LEPR: variants seen among roughly 807,000 people sequenced by gnomAD.
LEPR encodes the protein leptin receptor, also known as OB receptor.
Under a neutral mutation model 114.7 loss-of-function variants are expected in LEPR, and 56 were observed. That is an observed-to-expected ratio of 0.49 (90% CI 0.39 to 0.61). The LOEUF is 0.61. LEPR is among the 20% of genes least tolerant of loss of function. The pLI is 0.00. For synonymous variants in LEPR, 443 were observed against 461.4 expected, an observed-to-expected ratio of 0.96 and a Z score of 0.51; for missense variants, 1,202 against 1,352.9, an observed-to-expected ratio of 0.89 and a Z score of 1.75.
chr1:65,456,274 G>C (rs753932500), intron 2 of LEPR, among the ~76,000 whole-genome samples: 3 of 152,004 alleles, frequency 2.0e-5, no homozygotes, highest in Non-Finnish European at 4.4e-5. Flanking sequence ...CTGTAGACCA[G>C]AGCTGTTCCT....
chr1:65,476,037 C>A (rs1025812479), intron 2 of LEPR, among the ~76,000 whole-genome samples: 31 of 150,936 alleles, frequency 2.1e-4, no homozygotes, highest in African/African-American at 9.8e-5. Context: ...AAACAAAAAA[C>A]CCCCCAAATT....
chr1:65,450,330 G>C (rs568089502), intron 2 of LEPR, among the ~76,000 whole-genome samples: 1 of 151,386 alleles, frequency 6.6e-6, no homozygotes, highest in East Asian at 1.9e-4. Context: ...CATTGTGCAG[G>C]TTAGTTACAT....
At chr1:65,439,283 C>G (rs1646614355) in intron 2 of LEPR, among the ~76,000 whole-genome samples, 1 of 152,090 alleles carries the variant, frequency 6.6e-6, no homozygotes, top group South Asian at 2.1e-4. Flanking sequence ...TGATTTCTAA[C>G]TTATTACAAA....
chr1:65,619,370 A>T (rs915328630), intron 16 of LEPR, among the ~76,000 whole-genome samples: 20 of 152,080 alleles, frequency 1.3e-4, no homozygotes, highest in African/African-American at 4.8e-4. Flanking sequence ...ATCATGATGG[A>T]TCCATCTGGA....
chr1:65,496,665 G>T (rs753742465), intron 2 of LEPR, among the ~76,000 whole-genome samples: 1 of 152,140 alleles, frequency 6.6e-6, no homozygotes, highest in Non-Finnish European at 1.5e-5. Flanking sequence ...CATGTGTACT[G>T]TACACTCAGT....
intron 2 of LEPR, among the ~76,000 whole-genome samples, chr1:65,468,303 C>A (rs985520318): frequency 6.6e-6 from 1 of 152,070 alleles, no homozygotes; most frequent in African/African-American, 2.4e-5. Flanking sequence ...CTCTGAACAA[C>A]TAAAGAAATC....
At chr1:65,536,175 A>G (rs1429436015) in intron 2 of LEPR, among the ~76,000 whole-genome samples, 1 of 152,148 alleles carries the variant, frequency 6.6e-6, no homozygotes, top group African/African-American at 2.4e-5. Context: ...TGGTGACATC[A>G]TCACAGTAAT....
chr1:65,439,744 G>A (rs536922790), intron 2 of LEPR, among the ~76,000 whole-genome samples: 1 of 150,972 alleles, frequency 6.6e-6, no homozygotes, highest in Non-Finnish European at 1.5e-5. Context: ...CTTGAACCCA[G>A]GAATCACTTG....
At chr1:65,550,949 C>T (rs749976386) in intron 2 of LEPR, among the ~76,000 whole-genome samples, 3 of 152,090 alleles carry the variant, frequency 2.0e-5, no homozygotes, top group South Asian at 4.2e-4. Context: ...TGTTCCTATT[C>T]GGCCACCTTG....
chr1:65,503,747 C>T (rs2104564), intron 2 of LEPR, among the ~76,000 whole-genome samples: 99,335 of 151,534 alleles, frequency 0.66, 33,704 homozygotes, highest in Middle Eastern at 0.86. Flanking sequence ...TAGGTACAGA[C>T]GTTTACATAT....
chr1:65,556,585 A>C (rs1322846526), intron 2 of LEPR, among the ~76,000 whole-genome samples: 1 of 152,158 alleles, frequency 6.6e-6, no homozygotes, highest in Non-Finnish European at 1.5e-5. Flanking sequence ...TCCATGTTCC[A>C]AAAAATGGTT....
intron 2 of LEPR, among the ~76,000 whole-genome samples, chr1:65,437,951 G>A (rs978593925): frequency 7.2e-5 from 11 of 151,866 alleles, no homozygotes; most frequent in African/African-American, 2.7e-4. Flanking sequence ...GGGATTACAG[G>A]CACGGGCCAC....
chr1:65,524,859 G>T (rs1347572984), intron 2 of LEPR, among the ~76,000 whole-genome samples: 1 of 152,112 alleles, frequency 6.6e-6, no homozygotes. Context: ...CTAGCATATT[G>T]TCTGACACTC....
intron 19 of LEPR, among the ~76,000 whole-genome samples, chr1:65,631,765 TAG>T (rs1374972294): frequency 6.6e-6 from 1 of 152,212 alleles, no homozygotes; most frequent in Non-Finnish European, 1.5e-5. Context: ...ATTCAAATTT[TAG>T]AGTGTAAAAG....
chr1:65,452,241 A>T (rs374938089), intron 2 of LEPR, among the ~76,000 whole-genome samples: 5 of 152,024 alleles, frequency 3.3e-5, no homozygotes, highest in Middle Eastern at 3.4e-3. Context: ...CAATTTGACT[A>T]CCTCTTTTCC....
rs1405891211 is a variant in LEPR, at chr1:65,636,815, G to A, written c.3298G>A (p.Val1100Ile). The A allele has an allele frequency of 6.2e-7, 1 of 1,613,936 alleles. No individual in the cohort carries two copies. Among genetic ancestry groups the A allele is most frequent in the Non-Finnish European group, 8.5e-7 (1 of 1,179,936 alleles). The change falls in exon 20 of 20, where the codon GTA becomes ATA. Residue 1100 changes from valine to isoleucine, a missense_variant. Coordinates refer to ENST00000349533, the MANE Select transcript of LEPR (RefSeq NM_002303.6). ...SGVLLTDKSR[V>I]SCPFPAPCLF... ...TGTGCTTTTGACTGACAAGTCAAGG[G>A]TATCGTGCCCATTCCCAGCCCCCTG...
chr1:65,561,476 A>T (rs1653300515), intron 2 of LEPR, among the ~76,000 whole-genome samples: 1 of 28,434 alleles, frequency 3.5e-5, no homozygotes, highest in Non-Finnish European at 6.7e-5. Context: ...GTGGTCTATC[A>T]ATTTTGTTGA....
At chr1:65,442,000 G>A (rs753634961) in intron 2 of LEPR, among the ~76,000 whole-genome samples, 11 of 152,126 alleles carry the variant, frequency 7.2e-5, no homozygotes, top group Non-Finnish European at 1.6e-4. Flanking sequence ...TGCAAGTGGG[G>A]TTAATGTGGG....
At chr1:65,635,321 G>T in intron 19 of LEPR, 1 of 980,918 alleles carries the variant, frequency 1.0e-6, no homozygotes, top group Non-Finnish European at 1.2e-6. Context: ...TTTTCAATGT[G>T]TTTACATTGT....
Sources: allele counts gnomAD v4.1 joint callset (sites outside exome capture counted in the v4.1 genomes callset), GRCh38; gene constraint gnomAD v4.1.1; transcripts MANE v1.5; gene names NCBI Gene and HGNC (gene_info 2026-07-23, HGNC 2026-07-21).